Variants in MYG1 observed in about 807,000 individuals in gnomAD.
MYG1 encodes the protein MYG1 exonuclease, also known as UPF0160 protein MYG1, mitochondrial.
Under a neutral mutation model 43.5 loss-of-function variants are expected in MYG1, and 36 were observed. That is an observed-to-expected ratio of 0.83 (90% CI 0.63 to 1.09). The LOEUF is 1.09. MYG1 is among the 50% of genes least tolerant of loss of function. The pLI, the probability that MYG1 is intolerant of heterozygous loss-of-function variation, is 0.00. For missense variants in MYG1, 529 were observed against 495.1 expected, an observed-to-expected ratio of 1.07 and a Z score of -0.65; for synonymous variants, 220 against 202.8, an observed-to-expected ratio of 1.08 and a Z score of -0.72.
At chr12:53,300,462 C>A in intron 2 of MYG1, 200 bp downstream of exon 2, 1 of 472,496 alleles carries the variant, frequency 2.1e-6, no homozygotes, top group African/African-American at 2.0e-5. Flanking sequence ...TCCTTTGGTT[C>A]CCAGGGAGTC....
In MYG1 at chr12:53,306,744, A is replaced by G; in HGVS notation, c.830A>G (p.Tyr277Cys). 6.2e-7 allele frequency: 1 copy of G among 1,614,082 alleles called. No homozygotes were observed. Among genetic ancestry groups the G allele is most frequent in the Non-Finnish European group, 8.5e-7 (1 of 1,180,000 alleles). Residue 277 changes from tyrosine to cysteine, a missense_variant, in exon 6 of 7, where the codon TAC becomes TGC. Tyr to Cys is a radical substitution (Grantham distance 194). Transcript: ENST00000267103. The part of the protein sequence containing the change: ...KGACPWKEHL[Y>C]HLESGLSPPV... ...GCATGTCCCTGGAAGGAGCATCTCT[A>G]CCACCTGGAATCTGGGCTGTCCCCT...
At chr12:53,306,657 T>C in intron 5 of MYG1, 23 bp from the exon 6 acceptor site, 2 of 1,603,144 alleles carry the variant, frequency 1.2e-6, no homozygotes, top group African/African-American at 1.3e-5. Flanking sequence ...TTAAACCTTC[T>C]AGCTATGCTC....
chr12:53,304,861 G>GTTTTTTT (rs71068106), intron 3 of MYG1, among the ~76,000 whole-genome samples: 12 of 78,210 alleles, frequency 1.5e-4, no homozygotes, highest in African/African-American at 4.2e-4. Context: ...CTAAACCCAT[G>GTTTTTTT]TTTTTTTTTT....
At chr12:53,306,589 C>T in intron 5 of MYG1, 91 bp from the exon 6 acceptor site, 1 of 1,380,698 alleles carries the variant, frequency 7.2e-7, no homozygotes, top group Non-Finnish European at 1.0e-6. Flanking sequence ...ACTGATCCTC[C>T]CACCTCAGCC....
At position 53,300,178 on chromosome 12, in the gene MYG1, C is replaced by G. The variant is rs775775995; in HGVS notation, c.245C>G (p.Pro82Arg). Residue 82 changes from proline (P) to arginine (R), a missense_variant, in exon 2 of 7, where the codon CCC becomes CGC. Pro to Arg is a moderately radical substitution (Grantham distance 103, BLOSUM62 -2). Transcript: ENST00000267103. ...RDAEIVRTRD[P>R]EKLASCDIVV... ...GCAGAGATTGTGCGGACCCGGGATC[C>G]CGAAAAACTCGCTTCCTGTGACATC... The G allele has an allele frequency of 6.2e-7, 1 of 1,605,642 alleles. No individual in the cohort carries two copies. The highest frequency in any genetic ancestry group is 1.1e-5 in the South Asian group (1 of 89,782).
Position 53,299,807 on chromosome 12 carries a change from C to G in MYG1, c.70C>G (p.Arg24Gly), listed in dbSNP as rs560238657. 6.2e-7 allele frequency: 1 copy of G among 1,614,122 alleles called. No homozygotes were observed. Reference protein sequence around the residue: ...LPPPPLYTRHRMLGPESVPPP... With the variant: ...LPPPPLYTRHGMLGPESVPPP... ...GCCGCCACCCCTGTATACCCGGCAC[C>G]GCATGCTCGGTCCAGAGTCCGTCCC... The change falls in exon 1 of 7, where the codon CGC becomes GGC. Residue 24 changes from arginine to glycine, a missense_variant. Transcript: ENST00000267103.
intron 3 of MYG1, among the ~76,000 whole-genome samples, chr12:53,304,891 C>T (rs1451225515): frequency 5.4e-5 from 7 of 129,522 alleles, no homozygotes; most frequent in African/African-American, 1.8e-4. Context: ...TTTTTTGAGA[C>T]GGAGTCTCGC....
At position 53,306,807 on chromosome 12, in the gene MYG1, C is replaced by G; in HGVS notation, c.893C>G (p.Ala298Gly). 1 of 1,614,222 alleles carries G rather than the reference C, an allele frequency of 6.2e-7. No individual in the cohort carries two copies. The highest frequency in any genetic ancestry group is 2.2e-5 in the East Asian group (1 of 44,886). ...TTCTTTGTTATCTACACTGACCAGGCTGGACAGTGGCGAATACAGTGTGTG... is the reference window on the plus strand; with the variant it reads ...TTCTTTGTTATCTACACTGACCAGGGTGGACAGTGGCGAATACAGTGTGTG... The part of the protein sequence containing the change: ...AIFFVIYTDQ[A>G]GQWRIQCVPK... Residue 298 changes from alanine (A) to glycine (G), a missense_variant, in exon 6 of 7, where the codon GCT becomes GGT. Coordinates refer to ENST00000267103, the MANE Select transcript of MYG1 (RefSeq NM_021640.4).
Position 53,299,827 on chromosome 12 carries a change from C to T in MYG1, c.90C>T (p.Ser30=), listed in dbSNP as rs749815565. ...GGCACCGCATGCTCGGTCCAGAGTCCGTCCCGCCCCCAAAACGATCCCGCA... is the reference window on the plus strand; with the variant it reads ...GGCACCGCATGCTCGGTCCAGAGTCTGTCCCGCCCCCAAAACGATCCCGCA... ...YTRHRMLGPE[S]VPPPKRSRSK... The change falls in exon 1 of 7, where the codon TCC becomes TCT. Residue 30 remains serine, a synonymous_variant. Transcript: ENST00000267103. The T allele has an allele frequency of 2.7e-5, 43 of 1,614,078 alleles. No homozygotes were observed. In the African/African-American group the frequency reaches 4.3e-4, roughly 16 times the overall value.
rs765755479 is a variant in MYG1, at chr12:53,306,733, G to A, written c.819G>A (p.Lys273=). 1.9e-6 allele frequency: 3 copies of A among 1,614,210 alleles called. No individual in the cohort carries two copies. The highest frequency in any genetic ancestry group is 2.5e-6 in the Non-Finnish European group (3 of 1,180,042). The change falls in exon 6 of 7, where the codon AAG becomes AAA. Residue 273 remains lysine, a synonymous_variant. Transcript: ENST00000267103. ...VELAKGACPW[K]EHLYHLESGL... is the part of the protein sequence containing the mutation. ...TGGCGAAAGGTGCATGTCCCTGGAAGGAGCATCTCTACCACCTGGAATCTG... is the reference window on the plus strand; with the variant it reads ...TGGCGAAAGGTGCATGTCCCTGGAAAGAGCATCTCTACCACCTGGAATCTG...
intron 5 of MYG1, 32 bp from the exon 6 acceptor site, chr12:53,306,648 T>C: frequency 6.3e-7 from 1 of 1,595,960 alleles, no homozygotes; most frequent in Non-Finnish European, 8.5e-7. Flanking sequence ...CAGCCTACCT[T>C]AAACCTTCTA....
chr12:53,301,078 C>T (rs951923335), intron 2 of MYG1, among the ~76,000 whole-genome samples: 3 of 152,088 alleles, frequency 2.0e-5, no homozygotes, highest in Non-Finnish European at 4.4e-5. Context: ...CACCACCACA[C>T]CCGGCTAATT....
intron 4 of MYG1, 48 bp downstream of exon 4, chr12:53,306,108 G>C (rs566779163): frequency 1.6e-5 from 26 of 1,607,612 alleles, no homozygotes; most frequent in South Asian, 1.3e-4. Context: ...AACCTTGGGT[G>C]GGGGGAAAAT....
chr12:53,306,169 A>G, intron 4 of MYG1, 29 bp from the exon 5 acceptor site: 5 of 1,613,932 alleles, frequency 3.1e-6, no homozygotes, highest in Non-Finnish European at 4.2e-6. Context: ...TTGGGCCAGC[A>G]TCATGGTTCT....
In MYG1 at chr12:53,302,734, A is replaced by G. The variant is rs574406183; in HGVS notation, c.330-300A>G. ...GCTTTTTCTCTTTCACCCCTTGTCTATCTGGTGGACACCCACTAATTCATC... is the reference window on the plus strand; with the variant it reads ...GCTTTTTCTCTTTCACCCCTTGTCTGTCTGGTGGACACCCACTAATTCATC... On this transcript the variant is annotated intron_variant, in intron 2 of 6. Transcript: ENST00000267103. Among the ~76,000 whole-genome samples the G allele has an allele frequency of 1.5e-4, 23 of 151,990 alleles. No homozygotes were observed. In the East Asian group the frequency reaches 4.1e-3, roughly 27 times the overall value.
intron 5 of MYG1, 68 bp from the exon 6 acceptor site, chr12:53,306,612 G>A: frequency 1.3e-6 from 2 of 1,512,278 alleles, no homozygotes. Context: ...CCAAAATGTT[G>A]TGACTACAAA....
intron 1 of MYG1, 78 bp from the exon 2 acceptor site, chr12:53,300,072 T>A: frequency 6.6e-7 from 1 of 1,525,798 alleles, no homozygotes; most frequent in Non-Finnish European, 8.9e-7. Flanking sequence ...TTCCTACCCT[T>A]CCTGCCTCCC....
chr12:53,300,864 T>C (rs983937949), intron 2 of MYG1, among the ~76,000 whole-genome samples: 1 of 152,172 alleles, frequency 6.6e-6, no homozygotes, highest in African/African-American at 2.4e-5. Context: ...TATTGGAGGT[T>C]AATCCTCTGT....
At chr12:53,304,484 CG>C (rs1944255093) in intron 3 of MYG1, among the ~76,000 whole-genome samples, 1 of 151,898 alleles carries the variant, frequency 6.6e-6, no homozygotes, top group South Asian at 2.1e-4. Flanking sequence ...GGGGTTTCAC[CG>C]TGTTAGCCAG....
Sources: allele counts gnomAD v4.1 joint callset (sites outside exome capture counted in the v4.1 genomes callset), GRCh38; gene constraint gnomAD v4.1.1; transcripts MANE v1.5; gene names NCBI Gene and HGNC (gene_info 2026-07-23, HGNC 2026-07-21).